The following ADGRL3 variants were observed in gnomAD, a reference collection of about 807,000 sequenced individuals.
The protein encoded by ADGRL3 is adhesion G protein-coupled receptor L3.
A neutral mutation model predicts 153.5 loss-of-function variants in ADGRL3; 62 were observed. That is an observed-to-expected ratio of 0.40 (90% CI 0.33 to 0.50). The LOEUF (loss-of-function observed/expected upper bound fraction) is 0.50, where lower values mean the gene tolerates loss of function less well. Ranked by LOEUF, ADGRL3 falls within the 20% of genes least tolerant of loss-of-function variation. ADGRL3 has a pLI of 0.47. For missense variants in ADGRL3, 1,641 were observed against 1,859.4 expected (o/e 0.88, Z 2.16); for synonymous variants, 710 against 672.5 (o/e 1.06, Z -0.86).
chr4:61,204,163 T>A (rs1736091989), intron 1 of ADGRL3, among the ~76,000 whole-genome samples: 6 of 152,184 alleles, frequency 3.9e-5, no homozygotes, highest in African/African-American at 1.4e-4. Flanking sequence ...AATTTCTGGA[T>A]ATCTTCATTA....
chr4:61,479,760 A>C (rs1203698568), intron 2 of ADGRL3, among the ~76,000 whole-genome samples: 1 of 152,230 alleles, frequency 6.6e-6, no homozygotes. Flanking sequence ...TAAAATTTGG[A>C]TATTCATATC....
At chr4:61,388,694 G>A (rs1174035496) in intron 2 of ADGRL3, among the ~76,000 whole-genome samples, 1 of 152,158 alleles carries the variant, frequency 6.6e-6, no homozygotes, top group Non-Finnish European at 1.5e-5. Flanking sequence ...ACAGCAAATG[G>A]AGACCTGTTC....
intron 8 of ADGRL3, among the ~76,000 whole-genome samples, chr4:61,745,852 C>G (rs996124897): frequency 1.3e-5 from 2 of 152,112 alleles, no homozygotes; most frequent in Non-Finnish European, 2.9e-5. Context: ...CAAATTCACA[C>G]ATAACAATAT....
intron 8 of ADGRL3, among the ~76,000 whole-genome samples, chr4:61,741,519 T>A (rs972913601): frequency 2.6e-5 from 4 of 152,206 alleles, no homozygotes; most frequent in African/African-American, 9.7e-5. Flanking sequence ...CTGAAGGACA[T>A]TGCTGCTGCT....
chr4:61,929,236 T>G (rs1034431782), intron 13 of ADGRL3, among the ~76,000 whole-genome samples: 5 of 152,132 alleles, frequency 3.3e-5, no homozygotes, highest in African/African-American at 1.2e-4. Flanking sequence ...AATTTGTTTC[T>G]CCCTTGTACC....
intron 8 of ADGRL3, among the ~76,000 whole-genome samples, chr4:61,791,890 C>A (rs2097346651): frequency 6.6e-6 from 1 of 152,178 alleles, no homozygotes; most frequent in Non-Finnish European, 1.5e-5. Context: ...ACAGCTAGAG[C>A]AGCTGGGACA....
chr4:61,322,059 T>C (rs183838791), intron 1 of ADGRL3, among the ~76,000 whole-genome samples: 3 of 152,326 alleles, frequency 2.0e-5, no homozygotes, highest in African/African-American at 7.2e-5. Context: ...CAGTTCCACA[T>C]GGCTGGGGAG....
At chr4:61,406,644 T>G (rs1413471543) in intron 2 of ADGRL3, among the ~76,000 whole-genome samples, 3 of 152,134 alleles carry the variant, frequency 2.0e-5, no homozygotes, top group Admixed American at 2.0e-4. Flanking sequence ...TACTAGGATA[T>G]ATATGTGGTT....
chr4:61,550,813 A>C (rs1445297408), intron 4 of ADGRL3, among the ~76,000 whole-genome samples: 1 of 152,044 alleles, frequency 6.6e-6, no homozygotes, highest in African/African-American at 2.4e-5. Flanking sequence ...GCTAAGGCTT[A>C]GTTTTAGAGC....
At chr4:61,495,894 G>A (rs575971110) in intron 2 of ADGRL3, among the ~76,000 whole-genome samples, 3 of 152,078 alleles carry the variant, frequency 2.0e-5, no homozygotes, top group Non-Finnish European at 4.4e-5. Flanking sequence ...AATGATGTTC[G>A]AACTGCATTT....
intron 2 of ADGRL3, among the ~76,000 whole-genome samples, chr4:61,439,396 T>A (rs1434528176): frequency 6.6e-6 from 1 of 152,326 alleles, no homozygotes; most frequent in South Asian, 2.1e-4. Context: ...GTGACCCTTT[T>A]ATAAATCAGA....
At chr4:61,919,240 T>C (rs2098757636) in intron 13 of ADGRL3, among the ~76,000 whole-genome samples, 1 of 152,172 alleles carries the variant, frequency 6.6e-6, no homozygotes, top group South Asian at 2.1e-4. Flanking sequence ...ATTTCGATGT[T>C]TGCCCATAAG....
Position 61,863,231 on chromosome 4 carries a change from CTTTTTTTTTTTTT to C in ADGRL3, c.1481-29413_1481-29401del, listed in dbSNP as rs1189171329. The stretch of plus-strand genomic sequence containing the variant: ...GTGTACATCATGTCTGGGCATCATT[CTTTTTTTTTTTTT>C]TTTTTTTTTTTGAGACGGAGTCTCG... On this transcript the variant is annotated intron_variant, in intron 9 of 26. Coordinates refer to ENST00000683033, the MANE Select transcript of ADGRL3 (RefSeq NM_001387552.1). Among the ~76,000 whole-genome samples, 8 of 80,908 alleles carry C rather than the reference CTTTTTTTTTTTTT, an allele frequency of 9.9e-5. No individual in the cohort carries two copies. The Admixed American group carries it at 1.3e-3, about 13-fold the overall frequency. 53.1% of individuals were successfully genotyped at this position (80,908 alleles called of 152,430 possible). A position where few individuals can be genotyped will look rare whatever the true frequency, so the allele number is the denominator to read the frequency against.
intron 8 of ADGRL3, among the ~76,000 whole-genome samples, chr4:61,742,889 C>T (rs1268533799): frequency 6.6e-6 from 1 of 152,044 alleles, no homozygotes; most frequent in African/African-American, 2.4e-5. Flanking sequence ...TTCAGTAGTA[C>T]AAATCAATGG....
At chr4:61,546,536 A>G (rs57188639) in intron 4 of ADGRL3, among the ~76,000 whole-genome samples, 33,069 of 152,104 alleles carry the variant, frequency 0.22, 3,757 homozygotes, top group Admixed American at 0.26. Flanking sequence ...GTGTCTTTTT[A>G]TATATTGTAT....
At position 62,016,398 on chromosome 4, in the gene ADGRL3, C is replaced by T. The variant is rs535083032; in HGVS notation, c.3396-12457C>T. Among the ~76,000 whole-genome samples the T allele has an allele frequency of 2.0e-4, 30 of 152,250 alleles. No individual in the cohort carries two copies. In the South Asian group the frequency reaches 4.8e-3, roughly 24 times the overall value. On this transcript the variant is annotated intron_variant, in intron 21 of 26. Transcript: ENST00000683033. ...TGTCTCAGTTTTACAATTCGTGTTACAATCTTTAATCTCTTTGAAGGATAT... is the reference window on the plus strand; with the variant it reads ...TGTCTCAGTTTTACAATTCGTGTTATAATCTTTAATCTCTTTGAAGGATAT...
At chr4:61,261,615 T>C (rs1321261287) in intron 1 of ADGRL3, among the ~76,000 whole-genome samples, 1 of 152,164 alleles carries the variant, frequency 6.6e-6, no homozygotes, top group Non-Finnish European at 1.5e-5. Context: ...GCCAACACTA[T>C]AAATAAGGAA....
chr4:61,982,329 A>G (rs773000764), intron 18 of ADGRL3, among the ~76,000 whole-genome samples: 3 of 152,198 alleles, frequency 2.0e-5, no homozygotes, highest in Non-Finnish European at 2.9e-5. Context: ...CTAGCGAGGT[A>G]TCCTTTTCTG....
intron 21 of ADGRL3, among the ~76,000 whole-genome samples, chr4:62,025,993 A>G (rs900951315): frequency 6.6e-6 from 1 of 152,186 alleles, no homozygotes; most frequent in Admixed American, 6.6e-5. Context: ...AGAGAAAACT[A>G]TAAAACTAGA....
Sources: gnomAD v4.1 joint callset for allele counts (sites outside exome capture counted in the v4.1 genomes callset) on GRCh38, gnomAD v4.1.1 for gene constraint, MANE v1.5 for transcripts, NCBI Gene and HGNC (gene_info 2026-07-23, HGNC 2026-07-21) for gene names.